The following MDGA2 variants were observed in gnomAD, a reference collection of about 807,000 sequenced individuals.
MDGA2 encodes MAM domain containing glycosylphosphatidylinositol anchor 2, also known as MAM domain-containing glycosylphosphatidylinositol anchor protein 2.
In MDGA2, 40 loss-of-function variants were observed where a neutral mutation model predicts 117.8. That is an observed-to-expected ratio of 0.34 (90% CI 0.26 to 0.44). MDGA2 has a LOEUF of 0.44. Among genes scored for constraint, MDGA2 ranks in the 20% least tolerant of loss-of-function variants. The pLI, the probability that MDGA2 is intolerant of heterozygous loss-of-function variation, is 1.00. For missense variants in MDGA2, 1,123 were observed against 1,250.6 expected (o/e 0.90, Z 1.54); for synonymous variants, 452 against 439.0 (o/e 1.03, Z -0.37).
chr14:47,237,598 A>T (rs1886906295), intron 2 of MDGA2, among the ~76,000 whole-genome samples: 1 of 152,196 alleles, frequency 6.6e-6, no homozygotes, highest in Non-Finnish European at 1.5e-5. Flanking sequence ...TGTTATACGA[A>T]TATATCTGTT....
At chr14:47,410,975 C>T (rs2138485459) in intron 1 of MDGA2, among the ~76,000 whole-genome samples, 1 of 152,170 alleles carries the variant, frequency 6.6e-6, no homozygotes, top group East Asian at 1.9e-4. Context: ...GCTTTCAACC[C>T]TGGATTGAAT....
intron 10 of MDGA2, among the ~76,000 whole-genome samples, chr14:46,896,731 T>C (rs1313143535): frequency 3.3e-5 from 5 of 152,162 alleles, no homozygotes; most frequent in Non-Finnish European, 2.9e-5. Context: ...AATACAATAT[T>C]GTATTTTAGT....
intron 1 of MDGA2, among the ~76,000 whole-genome samples, chr14:47,393,406 T>TTA (rs1555378968): frequency 1.3e-5 from 2 of 151,068 alleles, no homozygotes; most frequent in African/African-American, 4.8e-5. Context: ...TTGCAATTAT[T>TTA]AAAAAAAATA....
chr14:47,371,041 AT>A lies in MDGA2; in HGVS notation c.281-69492del, dbSNP rs1407452249. On this transcript the variant is annotated intron_variant, in intron 1 of 16. Coordinates refer to ENST00000399232, the MANE Select transcript of MDGA2 (RefSeq NM_001113498.3). ...GAAAAACTTCTTTAAAAACATACTA[AT>A]AAAACGAGGTGAAAAAGGAGTTCTA... Among the ~76,000 whole-genome samples the A allele has an allele frequency of 2.0e-5, 3 of 151,994 alleles. No homozygotes were observed. In the East Asian group the frequency reaches 5.8e-4, roughly 29 times the overall value.
intron 1 of MDGA2, among the ~76,000 whole-genome samples, chr14:47,379,268 T>C (rs12436524): frequency 0.1 from 15,786 of 152,132 alleles, 1,059 homozygotes; most frequent in Non-Finnish European, 0.13. Context: ...ACATGCCAAA[T>C]TGTAAAGACC....
chr14:47,139,903 C>T (rs1049749248), intron 4 of MDGA2, among the ~76,000 whole-genome samples: 8 of 144,210 alleles, frequency 5.5e-5, no homozygotes, highest in Non-Finnish European at 1.1e-4. Flanking sequence ...TATATATATA[C>T]ACATATGGAG....
At position 47,061,358 on chromosome 14, in the gene MDGA2, G is replaced by A. The variant is rs750502657; in HGVS notation, c.1416C>T (p.Asp472=). The change falls in exon 7 of 17, where the codon GAC becomes GAT. Residue 472 remains aspartate (D), a synonymous_variant. Coordinates refer to ENST00000399232, the MANE Select transcript of MDGA2 (RefSeq NM_001113498.3). ...PDVSPGTTNL[D]IIDLKFTDFG... The stretch of plus-strand genomic sequence containing the variant: ...AATCCGTGAATTTTAAATCAATGAT[G>A]TCCAAGTTTGTTGTTCCCGGAGAGA... 6.8e-6 allele frequency: 11 copies of A among 1,613,514 alleles called. No individual in the cohort carries two copies. The highest frequency in any genetic ancestry group is 1.7e-4 in the Middle Eastern group (1 of 6,058).
chr14:46,910,970 A>G (rs1883676975), intron 10 of MDGA2, among the ~76,000 whole-genome samples: 1 of 152,146 alleles, frequency 6.6e-6, no homozygotes, highest in Admixed American at 6.5e-5. Context: ...ATAGAGGGCA[A>G]CAACACACAC....
At chr14:47,389,702 G>A (rs912097279) in intron 1 of MDGA2, among the ~76,000 whole-genome samples, 5 of 151,940 alleles carry the variant, frequency 3.3e-5, no homozygotes, top group Admixed American at 2.0e-4. Context: ...GCAAAATACC[G>A]CCCTACTTTG....
intron 3 of MDGA2, among the ~76,000 whole-genome samples, chr14:47,178,526 T>C (rs1313356944): frequency 6.6e-6 from 1 of 152,204 alleles, no homozygotes; most frequent in East Asian, 1.9e-4. Context: ...ACAAAATGCA[T>C]TGTTCAGTTA....
chr14:47,501,011 G>A (rs1894388171), intron 1 of MDGA2, among the ~76,000 whole-genome samples: 1 of 152,042 alleles, frequency 6.6e-6, no homozygotes, highest in African/African-American at 2.4e-5. Flanking sequence ...ATTTTATAAT[G>A]CAAAAATAAG....
At chr14:46,952,350 A>G (rs969456083) in intron 9 of MDGA2, among the ~76,000 whole-genome samples, 1 of 151,960 alleles carries the variant, frequency 6.6e-6, no homozygotes, top group Non-Finnish European at 1.5e-5. Flanking sequence ...AGTCAGGGTT[A>G]TAAGATGTAC....
intron 2 of MDGA2, among the ~76,000 whole-genome samples, chr14:47,241,016 T>TG (rs36055526): frequency 5.3e-5 from 8 of 151,876 alleles, no homozygotes; most frequent in African/African-American, 1.9e-4. Context: ...GAAGGAAACT[T>TG]GCTCCAGATA....
chr14:47,146,552 T>C (rs1468822011), intron 3 of MDGA2, among the ~76,000 whole-genome samples: 5 of 152,224 alleles, frequency 3.3e-5, no homozygotes, highest in Non-Finnish European at 7.4e-5. Flanking sequence ...GCCTTTCATA[T>C]ACATCATATA....
intron 1 of MDGA2, among the ~76,000 whole-genome samples, chr14:47,313,130 C>A (rs8022023): frequency 0.089 from 13,550 of 151,920 alleles, 738 homozygotes; most frequent in Non-Finnish European, 0.11. Context: ...TAAATGTTAT[C>A]TTGGAAATTA....
At chr14:47,534,639 C>T (rs1010325396) in intron 1 of MDGA2, among the ~76,000 whole-genome samples, 2 of 152,088 alleles carry the variant, frequency 1.3e-5, no homozygotes, top group African/African-American at 4.8e-5. Context: ...CCCACCAAGT[C>T]CCCCCCTCCA....
In MDGA2 at chr14:46,974,600, A is replaced by G. The variant is rs566994927; in HGVS notation, c.1820-16957T>C. ...ATATATGGTAAAATTATTTTGTACA[A>G]AAGAGGCAAGGTCATTCAATGGGGA... On this transcript the variant is annotated intron_variant, in intron 8 of 16. Coordinates refer to ENST00000399232, the MANE Select transcript of MDGA2 (RefSeq NM_001113498.3). Among the ~76,000 whole-genome samples the G allele has an allele frequency of 2.6e-5, 4 of 152,302 alleles. No homozygotes were observed. The South Asian group carries it at 8.3e-4, about 32-fold the overall frequency.
chr14:46,981,171 AG>A (rs58347137), intron 8 of MDGA2, among the ~76,000 whole-genome samples: 23,379 of 150,978 alleles, frequency 0.15, 1,931 homozygotes, highest in Non-Finnish European at 0.16. Flanking sequence ...TGGGAGGCCA[AG>A]GGGGGGGCGG....
At chr14:46,876,692 T>C (rs1457758364) in intron 12 of MDGA2, among the ~76,000 whole-genome samples, 1 of 146,234 alleles carries the variant, frequency 6.8e-6, no homozygotes, top group East Asian at 1.9e-4. Context: ...CTCAATATGA[T>C]GAAAAAACAA....
Sources: allele counts gnomAD v4.1 joint callset (sites outside exome capture counted in the v4.1 genomes callset), GRCh38; gene constraint gnomAD v4.1.1; transcripts MANE v1.5; gene names NCBI Gene and HGNC (gene_info 2026-07-23, HGNC 2026-07-21).